The following GDPD1 variants were observed in gnomAD, a reference collection of about 807,000 sequenced individuals.
The protein encoded by GDPD1 is glycerophosphodiester phosphodiesterase domain containing 1.
Under a neutral mutation model 45.1 loss-of-function variants are expected in GDPD1, and 28 were observed. The observed-to-expected ratio is 0.62, with a 90% CI of 0.46 to 0.85. The LOEUF is 0.85. GDPD1 is among the 40% of genes least tolerant of loss of function. The pLI, the probability that GDPD1 is intolerant of heterozygous loss-of-function variation, is 0.00. For missense variants in GDPD1, 256 were observed against 364.8 expected, an observed-to-expected ratio of 0.70 and a Z score of 2.43; for synonymous variants, 139 against 131.4, an observed-to-expected ratio of 1.06 and a Z score of -0.40.
intron 4 of GDPD1, among the ~76,000 whole-genome samples, chr17:59,255,389 T>C (rs947092752): frequency 3.3e-5 from 5 of 150,214 alleles, no homozygotes; most frequent in African/African-American, 1.2e-4. Flanking sequence ...TTGCTTGAGA[T>C]CAGAAGTTCA....
At chr17:59,241,788 C>T (rs1416341719) in intron 2 of GDPD1, among the ~76,000 whole-genome samples, 2 of 151,768 alleles carry the variant, frequency 1.3e-5, no homozygotes, top group East Asian at 2.0e-4. Flanking sequence ...ATTAGCTGGG[C>T]GTGGTGGCAG....
chr17:59,265,983 T>C (rs2047395882), intron 6 of GDPD1, among the ~76,000 whole-genome samples: 1 of 144,766 alleles, frequency 6.9e-6, no homozygotes, highest in Non-Finnish European at 1.5e-5. Flanking sequence ...TGCACAACAG[T>C]GTGAATATAC....
chr17:59,268,165 A>G (rs2047412859), intron 7 of GDPD1, among the ~76,000 whole-genome samples: 1 of 152,246 alleles, frequency 6.6e-6, no homozygotes, highest in Admixed American at 6.5e-5. Flanking sequence ...TGATAGCTTC[A>G]TCTCAAAATT....
intron 2 of GDPD1, among the ~76,000 whole-genome samples, chr17:59,241,339 C>T (rs185553328): frequency 9.5e-4 from 144 of 152,226 alleles, no homozygotes; most frequent in African/African-American, 3.2e-3. Flanking sequence ...ATTTTTGAGA[C>T]GGAGTTTCGC....
chr17:59,241,694 C>T (rs62083290), intron 2 of GDPD1, among the ~76,000 whole-genome samples: 66,932 of 151,292 alleles, frequency 0.44, 16,563 homozygotes, highest in African/African-American at 0.68. Context: ...TTTGGGAGGC[C>T]GAGGCGGGTG....
At chr17:59,243,432 A>G (rs1048096961) in intron 2 of GDPD1, among the ~76,000 whole-genome samples, 9 of 151,220 alleles carry the variant, frequency 6.0e-5, no homozygotes, top group Admixed American at 6.6e-5. Flanking sequence ...TGAACCTGGG[A>G]GGTGGAGGTT....
intron 4 of GDPD1, among the ~76,000 whole-genome samples, chr17:59,249,422 G>GTAAA (rs934578621): frequency 2.6e-5 from 4 of 151,830 alleles, no homozygotes; most frequent in East Asian, 1.9e-4. Context: ...TGAAAATAAA[G>GTAAA]TAAATAAATA....
rs752835560 is a variant in GDPD1 at position 59,257,144 on chromosome 17, T to C, written c.390T>C (p.Asp130=). The C allele has an allele frequency of 2.5e-6, 4 of 1,597,100 alleles. No homozygotes were observed. The highest frequency in any genetic ancestry group is 3.4e-6 in the Non-Finnish European group (4 of 1,170,476). ...FQRACQCEGK[D]NRIPLLKEVF... is the part of the protein sequence containing the mutation. ...CAGCATGCCAGTGTGAAGGAAAAGATAACCGAATTCCATTACTGAAGGAAG... is the reference window on the plus strand; with the variant it reads ...CAGCATGCCAGTGTGAAGGAAAAGACAACCGAATTCCATTACTGAAGGAAG... The change falls in exon 5 of 10, where the codon GAT becomes GAC. Residue 130 remains aspartate, a synonymous_variant. Coordinates refer to ENST00000284116, the MANE Select transcript of GDPD1 (RefSeq NM_182569.4).
rs566559700 is a variant in GDPD1, at chr17:59,263,313, T to C, written c.577-3728T>C. Reference sequence around the variant, plus strand: ...TCCCAAAGTGCTGAGATTAAGTCTATAATTCTTTCAAAATAAAAGGCTCAC... The same window carrying C: ...TCCCAAAGTGCTGAGATTAAGTCTACAATTCTTTCAAAATAAAAGGCTCAC... On this transcript the variant is annotated intron_variant, in intron 6 of 9. Coordinates refer to ENST00000284116, the MANE Select transcript of GDPD1 (RefSeq NM_182569.4). Among the ~76,000 whole-genome samples, 5 of 152,180 alleles carry C rather than the reference T, an allele frequency of 3.3e-5. No individual in the cohort carries two copies. The South Asian group carries it at 6.2e-4, about 19-fold the overall frequency.
At chr17:59,241,079 A>T (rs1362340281) in intron 2 of GDPD1, among the ~76,000 whole-genome samples, 1 of 152,244 alleles carries the variant, frequency 6.6e-6, no homozygotes, top group Non-Finnish European at 1.5e-5. Context: ...CCACGGAACA[A>T]TAGGCTATAC....
chr17:59,275,271 A>G lies in GDPD1; in HGVS notation c.*1498A>G, dbSNP rs1035018387. On this transcript the variant is annotated 3_prime_UTR_variant, in exon 10 of 10. Coordinates refer to ENST00000284116, the MANE Select transcript of GDPD1 (RefSeq NM_182569.4). ...ATCAGTGATGTGTAGTTATTTGGCA[A>G]GTTATACATAATCAGCAGCAGCCAG... 8 of 1,236,772 alleles carry G rather than the reference A, an allele frequency of 6.5e-6. No homozygotes were observed. Among genetic ancestry groups the G allele is most frequent in the Non-Finnish European group, 9.1e-6 (8 of 878,448 alleles). The allele number at this position is 1,236,772 out of a possible 1,614,324, so 76.6% of individuals were successfully genotyped here.
intron 6 of GDPD1, among the ~76,000 whole-genome samples, chr17:59,259,917 T>C (rs1232621977): frequency 6.7e-6 from 1 of 149,400 alleles, no homozygotes; most frequent in Non-Finnish European, 1.5e-5. Context: ...AAAAACTGGC[T>C]AGGCATGGTG....
intron 1 of GDPD1, among the ~76,000 whole-genome samples, chr17:59,232,413 G>A (rs1248689334): frequency 6.6e-6 from 1 of 151,088 alleles, no homozygotes; most frequent in East Asian, 1.9e-4. Context: ...TCACGCCACT[G>A]CACTCCAGAC....
chr17:59,248,551 A>AT (rs1050261003), intron 3 of GDPD1, among the ~76,000 whole-genome samples, 189 bp from the exon 4 acceptor site: 13 of 152,138 alleles, frequency 8.5e-5, no homozygotes, highest in African/African-American at 3.1e-4. Context: ...GTACAGATAT[A>AT]TTTTTTGTAG....
intron 4 of GDPD1, among the ~76,000 whole-genome samples, chr17:59,250,613 C>CAAAA (rs34031181): frequency 0.024 from 2,406 of 102,146 alleles, 101 homozygotes; most frequent in African/African-American, 0.077. Context: ...GACCTTGTCT[C>CAAAA]AAAAAAAAAA....
rs766793244 is a variant in GDPD1 at position 59,248,790 on chromosome 17, TA to T, written c.367+6del. ...TGGATGTCTCATTTCAAAGAGGTAA[TA>T]TTTTTTGTTTGTGGCTTAAACATTT... On this transcript the variant is annotated splice_donor_region_variant and intron_variant, in intron 4 of 9. Transcript: ENST00000284116. 3.8e-5 allele frequency: 61 copies of T among 1,597,020 alleles called. No homozygotes were observed. The Admixed American group carries it at 5.8e-4, about 15-fold the overall frequency.
At chr17:59,247,454 G>A (rs1443993130) in intron 3 of GDPD1, among the ~76,000 whole-genome samples, 1 of 152,080 alleles carries the variant, frequency 6.6e-6, no homozygotes, top group Non-Finnish European at 1.5e-5. Flanking sequence ...TTTCCAGAAT[G>A]TCATATAGTT....
At chr17:59,238,450 G>A (rs77095503) in intron 2 of GDPD1, among the ~76,000 whole-genome samples, 1 of 143,436 alleles carries the variant, frequency 7.0e-6, no homozygotes, top group South Asian at 2.2e-4. Flanking sequence ...GTCTCACTCT[G>A]TTGCCCAGGC....
intron 1 of GDPD1, among the ~76,000 whole-genome samples, chr17:59,222,505 CTTTTTTTTTT>C (rs149536097): frequency 9.6e-5 from 4 of 41,740 alleles, no homozygotes; most frequent in East Asian, 1.1e-3. Flanking sequence ...AGTGCCCAGC[CTTTTTTTTTT>C]TTTTTTTTTT....
Sources: gnomAD v4.1 joint callset for allele counts (sites outside exome capture counted in the v4.1 genomes callset) on GRCh38, gnomAD v4.1.1 for gene constraint, MANE v1.5 for transcripts, NCBI Gene and HGNC (gene_info 2026-07-23, HGNC 2026-07-21) for gene names.